The following PCDHGC5 variants were observed in gnomAD, a reference collection of about 807,000 sequenced individuals.
The protein encoded by PCDHGC5 is protocadherin gamma-C5.
PCDHGC5 carries 25 observed loss-of-function variants against 59.0 expected under a neutral mutation model. The observed-to-expected ratio is 0.42, with a 90% CI of 0.31 to 0.59. PCDHGC5 has a LOEUF of 0.59. Among genes scored for constraint, PCDHGC5 ranks in the 20% least tolerant of loss-of-function variants. PCDHGC5 has a pLI of 0.13. For missense variants in PCDHGC5, 1,067 were observed against 1,206.4 expected (o/e 0.88, Z 1.71); for synonymous variants, 434 against 505.5 (o/e 0.86, Z 1.90).
chr5:141,489,096 ACT>A lies in PCDHGC5; in HGVS notation c.-144_-143del. The A allele has an allele frequency of 2.0e-6, 1 of 494,278 alleles. No individual in the cohort carries two copies. The allele number at this position is 494,278 out of a possible 1,614,324, so 30.6% of individuals were successfully genotyped here. A position where few individuals can be genotyped will look rare whatever the true frequency, so the allele number is the denominator to read the frequency against. ...CACCCCCGCCACTCGGTGACTAAGA[ACT>A]GCTGCAAGCAGGCAAACCTCCGAGC... On this transcript the variant is annotated 5_prime_UTR_variant, in exon 1 of 4. Coordinates refer to ENST00000252087, the MANE Select transcript of PCDHGC5 (RefSeq NM_018929.3). The surrounding 1 kb of genome is among the most constrained non-coding windows in gnomAD (Gnocchi z 4.5).
rs62379205 is a variant in PCDHGC5, at chr5:141,491,971, T to G, written c.2460+271T>G. On this transcript the variant is annotated intron_variant, in intron 1 of 3. Coordinates refer to ENST00000252087, the MANE Select transcript of PCDHGC5 (RefSeq NM_018929.3). This position sits in a 1 kb window ranked among gnomAD's most constrained non-coding sequence, Gnocchi z 6.9. ...CCTACACTCAAAAAAGGCCGGGGCC[T>G]CCTTCGAGCTTCCGGTGAATTTCGG... The G allele has an allele frequency of 3.6e-6, 3 of 831,948 alleles. No homozygotes were observed. Among genetic ancestry groups the G allele is most frequent in the Admixed American group, 3.7e-5 (1 of 26,692 alleles). The allele number at this position is 831,948 out of a possible 1,614,324, so 51.5% of individuals were successfully genotyped here.
intron 2 of PCDHGC5, among the ~76,000 whole-genome samples, chr5:141,495,902 C>T (rs749735668): frequency 2.6e-5 from 4 of 152,120 alleles, no homozygotes; most frequent in Non-Finnish European, 2.9e-5. Context: ...TTGTCTCTGT[C>T]TCTGTATATC....
At chr5:141,505,298 T>TA in intron 2 of PCDHGC5, 95 bp from the exon 3 acceptor site, 1 of 1,586,334 alleles carries the variant, frequency 6.3e-7, no homozygotes, top group Non-Finnish European at 8.6e-7. Context: ...GGGGTAGGGT[T>TA]AGGGTACTAG....
chr5:141,505,362 G>A (rs766427680), intron 2 of PCDHGC5, 31 bp from the exon 3 acceptor site: 1 of 1,613,966 alleles, frequency 6.2e-7, no homozygotes, highest in Non-Finnish European at 8.5e-7. Flanking sequence ...CGGCCTGGGA[G>A]TCTGTGCTCA....
At position 141,489,219 on chromosome 5, in the gene PCDHGC5, T is replaced by C; in HGVS notation, c.-22T>C. 1 of 1,502,828 alleles carries C rather than the reference T, an allele frequency of 6.7e-7. No homozygotes were observed. Among genetic ancestry groups the C allele is most frequent in the Non-Finnish European group, 8.9e-7 (1 of 1,117,962 alleles). 93.1% of individuals were successfully genotyped at this position (1,502,828 alleles called of 1,614,324 possible). On this transcript the variant is annotated 5_prime_UTR_variant, in exon 1 of 4. Transcript: ENST00000252087. This position sits in a 1 kb window ranked among gnomAD's most constrained non-coding sequence, Gnocchi z 4.5. ...GAGACAGGACAGCACAGACTTACTC[T>C]CCACAAAGGGACTTCTGGGTCATGG...
intron 2 of PCDHGC5, among the ~76,000 whole-genome samples, chr5:141,501,092 C>A: frequency 6.6e-6 from 1 of 152,118 alleles, no homozygotes; most frequent in East Asian, 1.9e-4. Flanking sequence ...TGGTCTCAAT[C>A]TCTTGACCTC....
chr5:141,492,691 C>G (rs2099743102), intron 1 of PCDHGC5, among the ~76,000 whole-genome samples: 1 of 152,274 alleles, frequency 6.6e-6, no homozygotes, highest in South Asian at 2.1e-4. Flanking sequence ...TCGGCGACCC[C>G]TCAACCCAGA....
chr5:141,498,725 A>AGT (rs2099785409), intron 2 of PCDHGC5, among the ~76,000 whole-genome samples: 1 of 152,150 alleles, frequency 6.6e-6, no homozygotes, highest in Non-Finnish European at 1.5e-5. Flanking sequence ...TGAGGTCAGG[A>AGT]GTTTGAGACC....
intron 2 of PCDHGC5, 103 bp from the exon 3 acceptor site, chr5:141,505,290 G>A: frequency 3.2e-6 from 5 of 1,564,680 alleles, no homozygotes; most frequent in Non-Finnish European, 4.3e-6. Context: ...TTGGGCATGG[G>A]GTAGGGTTAG....
chr5:141,491,714 C>A lies in PCDHGC5; in HGVS notation c.2460+14C>A, dbSNP rs1321811999. On this transcript the variant is annotated intron_variant, in intron 1 of 3. Transcript: ENST00000252087. The surrounding 1 kb of genome is among the most constrained non-coding windows in gnomAD (Gnocchi z 6.9). ...GAGCGGAGCCAGGTGAGGGGCTCGG[C>A]GCCGCCCCGGGCGACCCCTGGGGGC... 2 of 1,608,742 alleles carry A rather than the reference C, an allele frequency of 1.2e-6. No individual in the cohort carries two copies. The highest frequency in any genetic ancestry group is 1.7e-6 in the Non-Finnish European group (2 of 1,177,914).
intron 1 of PCDHGC5, among the ~76,000 whole-genome samples, chr5:141,492,437 C>T (rs182333697): frequency 8.5e-5 from 13 of 152,332 alleles, no homozygotes; most frequent in Admixed American, 8.5e-4. Flanking sequence ...CAGGAGTACT[C>T]GTAGCTGATT....
chr5:141,499,479 C>T (rs1019775735), intron 2 of PCDHGC5, among the ~76,000 whole-genome samples: 1 of 152,146 alleles, frequency 6.6e-6, no homozygotes. Context: ...AGAACCACCA[C>T]CAACTACAGT....
chr5:141,494,428 G>A (rs1476469017), intron 1 of PCDHGC5, among the ~76,000 whole-genome samples: 1 of 152,148 alleles, frequency 6.6e-6, no homozygotes, highest in African/African-American at 2.4e-5. Flanking sequence ...TCATTGAAAA[G>A]CCTCCTTTGC....
chr5:141,510,209 G>T (rs1294961681), intron 3 of PCDHGC5, among the ~76,000 whole-genome samples: 12 of 151,440 alleles, frequency 7.9e-5, no homozygotes, highest in African/African-American at 2.9e-4. Flanking sequence ...GGAGGCAGAG[G>T]TTGCAGTGAG....
At chr5:141,500,866 A>G (rs576713520) in intron 2 of PCDHGC5, among the ~76,000 whole-genome samples, 19 of 146,112 alleles carry the variant, frequency 1.3e-4, no homozygotes, top group South Asian at 4.3e-4. Context: ...AAACATACAC[A>G]TTCATTTACA....
chr5:141,489,229 G>A lies in PCDHGC5; in HGVS notation c.-12G>A, dbSNP rs1188849525. 5.9e-6 allele frequency: 9 copies of A among 1,522,134 alleles called. No homozygotes were observed. In the Admixed American group the frequency reaches 6.4e-5, roughly 11 times the overall value. 94.3% of individuals were successfully genotyped at this position (1,522,134 alleles called of 1,614,324 possible). On this transcript the variant is annotated 5_prime_UTR_variant, in exon 1 of 4. Transcript: ENST00000252087. The surrounding 1 kb of genome is among the most constrained non-coding windows in gnomAD (Gnocchi z 4.5). The stretch of plus-strand genomic sequence containing the variant: ...AGCACAGACTTACTCTCCACAAAGG[G>A]ACTTCTGGGTCATGGGGCCCAAGAC...
chr5:141,490,480 C>A lies in PCDHGC5; in HGVS notation c.1240C>A (p.Arg414=), dbSNP rs564439931. ...YSLLTSQPLD[R]EATSHYIIEL... is the part of the protein sequence containing the mutation. ...GCTGCTAACCAGCCAGCCTTTGGAC[C>A]GGGAGGCCACATCCCACTATATCAT... Residue 414 remains arginine, a synonymous_variant, in exon 1 of 4, where the codon CGG becomes AGG. Transcript: ENST00000252087. The surrounding 1 kb of genome is among the most constrained non-coding windows in gnomAD (Gnocchi z 5.4). 2.5e-5 allele frequency: 40 copies of A among 1,614,076 alleles called. No homozygotes were observed. The highest frequency in any genetic ancestry group is 5.9e-6 in the Non-Finnish European group (7 of 1,180,058).
Position 141,490,282 on chromosome 5 carries a change from C to T in PCDHGC5, c.1042C>T (p.Pro348Ser), listed in dbSNP as rs763429413. 1.2e-6 allele frequency: 2 copies of T among 1,614,194 alleles called. No individual in the cohort carries two copies. The highest frequency in any genetic ancestry group is 1.7e-6 in the Non-Finnish European group (2 of 1,180,036). ...TGTGGGGGATGTCAATGACAATGCC[C>T]CAGAGGTGCTATTGGCCTCTTTGGC... ...VDVGDVNDNA[P>S]EVLLASLANP... The change falls in exon 1 of 4, where the codon CCA (proline) becomes TCA (serine). Residue 348 changes from proline (P) to serine (S), a missense_variant. Transcript: ENST00000252087. This position sits in a 1 kb window ranked among gnomAD's most constrained non-coding sequence, Gnocchi z 5.4.
At chr5:141,501,809 A>G (rs2099811165) in intron 2 of PCDHGC5, among the ~76,000 whole-genome samples, 1 of 152,176 alleles carries the variant, frequency 6.6e-6, no homozygotes, top group African/African-American at 2.4e-5. Flanking sequence ...ACCCAGCTTC[A>G]CATAATTGGC....
Sources: gnomAD v4.1 joint callset for allele counts (sites outside exome capture counted in the v4.1 genomes callset) on GRCh38, gnomAD v4.1.1 for gene constraint, Gnocchi (gnomAD v3.1) non-coding constraint, MANE v1.5 for transcripts, NCBI Gene and HGNC (gene_info 2026-07-23, HGNC 2026-07-21) for gene names.